ZNF808: variants seen among roughly 807,000 people sequenced by gnomAD.
ZNF808 encodes zinc finger protein 808.
Under a neutral mutation model 8.7 loss-of-function variants are expected in ZNF808, and 5 were observed. The observed-to-expected ratio is 0.58, with a 90% confidence interval of 0.30 to 1.21. The LOEUF is 1.21. Among genes scored for constraint, ZNF808 ranks in the 50% most tolerant of loss-of-function variants. ZNF808 has a pLI of 0.07. For synonymous variants in ZNF808, 380 were observed against 366.0 expected (o/e 1.04, Z -0.44); for missense variants, 1,103 against 1,098.4 (o/e 1.00, Z -0.06).
intron 2 of ZNF808, among the ~76,000 whole-genome samples, chr19:52,539,183 C>CTTTTTTTTTT (rs2059643725): frequency 9.8e-6 from 1 of 102,340 alleles, no homozygotes. Flanking sequence ...CTCTTCATTT[C>CTTTTTTTTTT]ATTTTTTTTT....
chr19:52,564,824 C>T (rs1454958197), downstream of ZNF808, among the ~76,000 whole-genome samples: 1 of 152,098 alleles, frequency 6.6e-6, no homozygotes, highest in African/African-American at 2.4e-5. Flanking sequence ...CGATGGCTCA[C>T]ACCTGTAATC....
chr19:52,547,427 TA>T (rs1366056228), intron 3 of ZNF808, 84 bp from the exon 4 acceptor site: 1 of 1,599,412 alleles, frequency 6.3e-7, no homozygotes, highest in Non-Finnish European at 8.5e-7. Flanking sequence ...ATCAAATAAA[TA>T]CTTATTTTCC....
rs570679653 is a variant in ZNF808 at position 52,528,149 on chromosome 19, C to G, written c.-122+438C>G. Among the ~76,000 whole-genome samples, 638 of 152,114 alleles carry G rather than the reference C, an allele frequency of 4.2e-3. 7 individuals carry two copies. The highest frequency in any genetic ancestry group is 6.9e-3 in the Non-Finnish European group (469 of 67,972). ...GGATCTTGCAGACCCCATCCTTCTC[C>G]CAAGGCGCCGTCCCCCCTCCTCCCA... On this transcript the variant is annotated intron_variant, in intron 1 of 4. Coordinates refer to ENST00000359798, the MANE Select transcript of ZNF808 (RefSeq NM_001039886.4).
intron 3 of ZNF808, among the ~76,000 whole-genome samples, chr19:52,545,312 G>A (rs1221107484): frequency 6.6e-6 from 1 of 152,200 alleles, no homozygotes; most frequent in African/African-American, 2.4e-5. Flanking sequence ...TTGGATTAGA[G>A]GTGGGCCACC....
chr19:52,531,043 G>A (rs1018853402), intron 1 of ZNF808, among the ~76,000 whole-genome samples: 2 of 152,160 alleles, frequency 1.3e-5, no homozygotes, highest in Non-Finnish European at 2.9e-5. Context: ...CATCTACTCA[G>A]GAGGCTGAAG....
At chr19:52,548,961 T>C (rs551204516) in intron 4 of ZNF808, among the ~76,000 whole-genome samples, 3 of 151,780 alleles carry the variant, frequency 2.0e-5, no homozygotes, top group South Asian at 2.1e-4. Context: ...CTATTAGAGG[T>C]ACAGTTTTTT....
chr19:52,565,548 C>T (rs576704388), downstream of ZNF808, among the ~76,000 whole-genome samples: 11 of 152,294 alleles, frequency 7.2e-5, no homozygotes, highest in South Asian at 2.3e-3. Flanking sequence ...AGCTTATCTT[C>T]ACAGGTGTAG....
At chr19:52,568,033 C>T (rs2059876968), downstream of ZNF808, among the ~76,000 whole-genome samples, 2 of 152,176 alleles carry the variant, frequency 1.3e-5, no homozygotes, top group Admixed American at 6.5e-5. Flanking sequence ...TTGAGAGGAA[C>T]GTGGTCATGC....
intron 1 of ZNF808, among the ~76,000 whole-genome samples, chr19:52,529,736 A>G (rs1249668343): frequency 6.6e-6 from 1 of 151,860 alleles, no homozygotes. Context: ...ATTAAATGAT[A>G]TTTTGAGTCA....
At chr19:52,549,737 C>G (rs1237217338) in intron 4 of ZNF808, among the ~76,000 whole-genome samples, 1 of 152,142 alleles carries the variant, frequency 6.6e-6, no homozygotes, top group Non-Finnish European at 1.5e-5. Context: ...TCACATGATA[C>G]ATTGATCTGG....
At chr19:52,563,854 G>A in exon 4 of ZNF808, 1 of 215,638 alleles carries the variant, frequency 4.6e-6, no homozygotes, top group South Asian at 5.9e-5. Flanking sequence ...AGATTAGCTG[G>A]GCACAGTGGT....
intron 2 of ZNF808, among the ~76,000 whole-genome samples, chr19:52,539,335 G>C (rs1204060160): frequency 4.6e-5 from 7 of 150,910 alleles, no homozygotes; most frequent in Non-Finnish European, 8.9e-5. Context: ...TGGGATTATA[G>C]GCACCTGCAG....
chr19:52,545,114 A>G (rs961096474), intron 3 of ZNF808, among the ~76,000 whole-genome samples: 1 of 152,102 alleles, frequency 6.6e-6, no homozygotes, highest in African/African-American at 2.4e-5. Flanking sequence ...TGTCAATGCA[A>G]TGGAAAGTGG....
At chr19:52,533,615 G>A (rs1217643928) in intron 2 of ZNF808, among the ~76,000 whole-genome samples, 1 of 151,760 alleles carries the variant, frequency 6.6e-6, no homozygotes, top group Non-Finnish European at 1.5e-5. Flanking sequence ...CCAGCACTTT[G>A]GGAGGCCAAG....
At chr19:52,528,900 G>A (rs181574092) in intron 1 of ZNF808, among the ~76,000 whole-genome samples, 1 of 151,950 alleles carries the variant, frequency 6.6e-6, no homozygotes, top group Non-Finnish European at 1.5e-5. Context: ...AATAAGTTGC[G>A]AGGATGGAGC....
At chr19:52,557,621 CCTT>C (rs1377466191), downstream of ZNF808, among the ~76,000 whole-genome samples, 3 of 152,138 alleles carry the variant, frequency 2.0e-5, no homozygotes, top group Non-Finnish European at 2.9e-5. Flanking sequence ...CTACAGTTGA[CCTT>C]CTTTCACTGT....
chr19:52,536,250 TC>T (rs1341773161), intron 2 of ZNF808, among the ~76,000 whole-genome samples: 2 of 152,202 alleles, frequency 1.3e-5, no homozygotes, highest in African/African-American at 4.8e-5. Flanking sequence ...CCCCGGTCTT[TC>T]TGCTATAGGG....
chr19:52,531,367 C>T (rs577391079), intron 1 of ZNF808, among the ~76,000 whole-genome samples: 4 of 151,432 alleles, frequency 2.6e-5, no homozygotes, highest in Admixed American at 6.6e-5. Context: ...CTCAGCTACT[C>T]GGGAGGCTGA....
chr19:52,561,458 C>T (rs1292033446), intron 3 of ZNF808, among the ~76,000 whole-genome samples: 1 of 151,892 alleles, frequency 6.6e-6, no homozygotes. Context: ...CAAGTTTGTC[C>T]CTCACTTAGC....
Sources: gnomAD v4.1 joint callset for allele counts (sites outside exome capture counted in the v4.1 genomes callset) on GRCh38, gnomAD v4.1.1 for gene constraint, MANE v1.5 for transcripts, NCBI Gene and HGNC (gene_info 2026-07-23, HGNC 2026-07-21) for gene names.